Variants in FAT3 observed in about 807,000 individuals in gnomAD.
The protein encoded by FAT3 is protocadherin Fat 3.
FAT3 carries 95 observed loss-of-function variants against 310.2 expected under a neutral mutation model. The observed-to-expected ratio is 0.31, with a 90% CI of 0.26 to 0.36. The LOEUF (loss-of-function observed/expected upper bound fraction) is 0.36, where lower values mean the gene tolerates loss of function less well. Ranked by LOEUF, FAT3 falls within the 10% of genes least tolerant of loss-of-function variation. The probability of loss-of-function intolerance (pLI) is 1.00; values close to 1 mark genes in which losing one functional copy is unlikely to be tolerated. For missense variants in FAT3, 5,408 were observed against 5,715.6 expected (o/e 0.95, Z 1.74); for synonymous variants, 2,314 against 2,192.9 (o/e 1.06, Z -1.54).
chr11:92,700,110 C>G (rs757593028), intron 4 of FAT3, among the ~76,000 whole-genome samples: 30 of 152,246 alleles, frequency 2.0e-4, no homozygotes, highest in Non-Finnish European at 3.5e-4. Flanking sequence ...CTCTCTGAAG[C>G]CACTAAAAGA....
chr11:92,793,769 T>C (rs1947095509), intron 9 of FAT3, among the ~76,000 whole-genome samples: 1 of 152,216 alleles, frequency 6.6e-6, no homozygotes, highest in Non-Finnish European at 1.5e-5. Flanking sequence ...AACTTATGTC[T>C]GTCGTGAATA....
chr11:92,567,723 C>T (rs980539112), intron 3 of FAT3, among the ~76,000 whole-genome samples: 1 of 152,072 alleles, frequency 6.6e-6, no homozygotes, highest in Non-Finnish European at 1.5e-5. Context: ...ATGATGAGTT[C>T]ATGTTCTTTG....
At chr11:92,538,951 G>C (rs185721860) in intron 3 of FAT3, among the ~76,000 whole-genome samples, 1 of 152,042 alleles carries the variant, frequency 6.6e-6, no homozygotes, top group African/African-American at 2.4e-5. Context: ...GGCAGAAAAC[G>C]CTCAGCCTCT....
chr11:92,368,891 T>TAC (rs548274447), intron 2 of FAT3, among the ~76,000 whole-genome samples: 151 of 123,784 alleles, frequency 1.2e-3, no homozygotes, highest in Non-Finnish European at 1.8e-3. Flanking sequence ...CACATATATA[T>TAC]ACACACACAC....
chr11:92,326,843 C>G (rs758230641), intron 1 of FAT3, among the ~76,000 whole-genome samples: 4 of 152,178 alleles, frequency 2.6e-5, no homozygotes, highest in Non-Finnish European at 4.4e-5. Flanking sequence ...TATTGACTCA[C>G]TTCTTATTTA....
intron 16 of FAT3, 51 bp from the exon 17 acceptor site, chr11:92,837,612 A>T: frequency 6.2e-7 from 1 of 1,602,408 alleles, no homozygotes; most frequent in Non-Finnish European, 8.5e-7. Flanking sequence ...GTGTGCACAG[A>T]AGGAAGGAAG....
chr11:92,550,080 C>A (rs1289788577), intron 3 of FAT3, among the ~76,000 whole-genome samples: 1 of 152,086 alleles, frequency 6.6e-6, no homozygotes, highest in Non-Finnish European at 1.5e-5. Flanking sequence ...TGTCTCTTGA[C>A]CTGAAAAGGG....
intron 2 of FAT3, among the ~76,000 whole-genome samples, chr11:92,372,955 C>T (rs759248220): frequency 4.6e-5 from 7 of 152,060 alleles, no homozygotes; most frequent in African/African-American, 1.2e-4. Flanking sequence ...CCACCGTGCC[C>T]GGCCAGCAAA....
chr11:92,268,069 CCT>C, intron 1 of FAT3, among the ~76,000 whole-genome samples: 1 of 147,504 alleles, frequency 6.8e-6, no homozygotes, highest in African/African-American at 2.5e-5. Context: ...AAAAAAAAAA[CCT>C]AATCAGTTCA....
intron 1 of FAT3, among the ~76,000 whole-genome samples, chr11:92,291,951 AT>A (rs1295852222): frequency 1.3e-5 from 2 of 152,114 alleles, no homozygotes; most frequent in African/African-American, 4.8e-5. Context: ...CAAGGAAAAA[AT>A]ATCACTTTTA....
At chr11:92,548,632 A>G (rs1407928809) in intron 3 of FAT3, among the ~76,000 whole-genome samples, 1 of 152,190 alleles carries the variant, frequency 6.6e-6, no homozygotes, top group African/African-American at 2.4e-5. Context: ...AATTTGTACA[A>G]AGTACTTGGC....
intron 2 of FAT3, among the ~76,000 whole-genome samples, chr11:92,432,828 G>T (rs1375876031): frequency 6.6e-6 from 1 of 152,144 alleles, no homozygotes; most frequent in African/African-American, 2.4e-5. Flanking sequence ...CTGAAGCTGT[G>T]CCCATAGCTG....
chr11:92,753,095 C>T (rs1193267017), intron 4 of FAT3, among the ~76,000 whole-genome samples: 1 of 152,124 alleles, frequency 6.6e-6, no homozygotes, highest in Non-Finnish European at 1.5e-5. Flanking sequence ...TTTATGTCCC[C>T]ACCTCCTAAA....
intron 2 of FAT3, among the ~76,000 whole-genome samples, chr11:92,519,770 T>G (rs1016728944): frequency 6.6e-6 from 1 of 152,138 alleles, no homozygotes; most frequent in Non-Finnish European, 1.5e-5. Context: ...ATAAGCACTT[T>G]TAAAGATGCT....
At chr11:92,250,937 C>T (rs1482930595) in intron 1 of FAT3, among the ~76,000 whole-genome samples, 1 of 152,122 alleles carries the variant, frequency 6.6e-6, no homozygotes, top group Non-Finnish European at 1.5e-5. Context: ...AGTAAAATGA[C>T]ATCCGCTCTT....
intron 3 of FAT3, among the ~76,000 whole-genome samples, chr11:92,555,902 C>A (rs779420339): frequency 5.3e-5 from 8 of 152,186 alleles, no homozygotes; most frequent in Non-Finnish European, 1.2e-4. Context: ...GCATTTATAT[C>A]CCAGCTCTGC....
chr11:92,750,629 G>A (rs1396297702), intron 4 of FAT3, among the ~76,000 whole-genome samples: 2 of 114,742 alleles, frequency 1.7e-5, no homozygotes, highest in Non-Finnish European at 3.5e-5. Flanking sequence ...CTGGGGATTT[G>A]GCTGTTCTCT....
chr11:92,333,499 GTCTC>G (rs1279887758), intron 1 of FAT3, among the ~76,000 whole-genome samples: 5 of 152,166 alleles, frequency 3.3e-5, no homozygotes, highest in Non-Finnish European at 7.3e-5. Context: ...CTGTCCAGCT[GTCTC>G]TCTGCACCTT....
In FAT3 at chr11:92,530,306, ATGTTGCTCTCTCC is replaced by A. The variant is rs1157561825; in HGVS notation, c.3607+5361_3607+5373del. Among the ~76,000 whole-genome samples the A allele has an allele frequency of 2.6e-5, 4 of 152,094 alleles. No homozygotes were observed. The East Asian group carries it at 7.8e-4, about 30-fold the overall frequency. Reference sequence around the variant, plus strand: ...TTTAACAAGTTTCTAGGTGATGATGATGTTGCTCTCTCCTGAGAGCCTGATTAGCAAGGTTCTA... The same window carrying A: ...TTTAACAAGTTTCTAGGTGATGATGATGAGAGCCTGATTAGCAAGGTTCTA... On this transcript the variant is annotated intron_variant, in intron 3 of 27. Transcript: ENST00000525166.
Sources: gnomAD v4.1 joint callset for allele counts (sites outside exome capture counted in the v4.1 genomes callset) on GRCh38, gnomAD v4.1.1 for gene constraint, MANE v1.5 for transcripts, NCBI Gene and HGNC (gene_info 2026-07-23, HGNC 2026-07-21) for gene names.